Variants in RNF169 observed in about 807,000 individuals in gnomAD.
RNF169 encodes E3 ubiquitin-protein ligase RNF169.
A neutral mutation model predicts 53.9 loss-of-function variants in RNF169; 24 were observed. That is an observed-to-expected ratio of 0.45 (90% confidence interval 0.32 to 0.63). The LOEUF (loss-of-function observed/expected upper bound fraction) is 0.63. Among genes scored for constraint, RNF169 ranks in the 20% least tolerant of loss-of-function variants. The pLI is 0.04. For missense variants in RNF169, 883 were observed against 906.2 expected, an observed-to-expected ratio of 0.97 and a Z score of 0.33; for synonymous variants, 396 against 363.5, an observed-to-expected ratio of 1.09 and a Z score of -1.02.
intron 4 of RNF169, among the ~76,000 whole-genome samples, chr11:74,832,936 C>T (rs1374817200): frequency 6.6e-6 from 1 of 152,140 alleles, no homozygotes; most frequent in Non-Finnish European, 1.5e-5. Flanking sequence ...CTGACTTTTA[C>T]ACAGCTGCTT....
chr11:74,752,986 TGAGACA>T (rs2034923803), intron 1 of RNF169, among the ~76,000 whole-genome samples: 1 of 152,218 alleles, frequency 6.6e-6, no homozygotes, highest in Non-Finnish European at 1.5e-5. Context: ...ATTTATTTTT[TGAGACA>T]GAGTCTTGCT....
At chr11:74,750,005 A>G (rs1024007373) in intron 1 of RNF169, among the ~76,000 whole-genome samples, 2 of 152,222 alleles carry the variant, frequency 1.3e-5, no homozygotes, top group Admixed American at 1.3e-4. Flanking sequence ...TACTAAGTCC[A>G]GTAGTGCCTG....
chr11:74,795,663 C>T (rs2035638110), intron 2 of RNF169, among the ~76,000 whole-genome samples: 1 of 152,124 alleles, frequency 6.6e-6, no homozygotes, highest in Non-Finnish European at 1.5e-5. Context: ...GAGTTTGAGA[C>T]CAGCCTGAGC....
chr11:74,751,596 T>G (rs1358994441), intron 1 of RNF169, among the ~76,000 whole-genome samples: 1 of 152,252 alleles, frequency 6.6e-6, no homozygotes, highest in Non-Finnish European at 1.5e-5. Flanking sequence ...TCATAAAATT[T>G]ATCAGTGATT....
chr11:74,762,289 C>G (rs965664515), intron 1 of RNF169, among the ~76,000 whole-genome samples: 39 of 151,284 alleles, frequency 2.6e-4, no homozygotes, highest in African/African-American at 8.0e-4. Flanking sequence ...CGTCTGAAGC[C>G]TTCTTCTCTC....
intron 1 of RNF169, among the ~76,000 whole-genome samples, chr11:74,784,178 T>G (rs1416603156): frequency 6.6e-6 from 1 of 152,190 alleles, no homozygotes; most frequent in Non-Finnish European, 1.5e-5. Flanking sequence ...ATTTAAAAAA[T>G]TTAGAGAAAC....
intron 1 of RNF169, among the ~76,000 whole-genome samples, chr11:74,765,259 A>G (rs2035154477): frequency 6.6e-6 from 1 of 152,216 alleles, no homozygotes; most frequent in Non-Finnish European, 1.5e-5. Context: ...CTTGATCTCT[A>G]CACATATGTA....
Position 74,817,722 on chromosome 11 carries a change from ACTGATG to A in RNF169, c.842+13_842+18del. On this transcript the variant is annotated intron_variant, in intron 4 of 5. Transcript: ENST00000299563. ...CTTAGCTTTCCTGGCAGGGTAAGAG[ACTGATG>A]CTGAATTCAGTCAGGGGTCTTTGGT... 2 of 1,549,646 alleles carry A rather than the reference ACTGATG, an allele frequency of 1.3e-6. No homozygotes were observed. The highest frequency in any genetic ancestry group is 1.1e-5 in the South Asian group (1 of 89,838).
chr11:74,765,096 C>T lies in RNF169; in HGVS notation c.502+15714C>T, dbSNP rs139116965. ...TGGTGGTGTGCGCCTGTGGTCCCAG[C>T]AATACAGGAGGCTGAGGCAGGAGGA... On this transcript the variant is annotated intron_variant, in intron 1 of 5. Coordinates refer to ENST00000299563, the MANE Select transcript of RNF169 (RefSeq NM_001098638.2). Among the ~76,000 whole-genome samples, 547 of 152,182 alleles carry T rather than the reference C, an allele frequency of 3.6e-3. 3 individuals carry two copies. The highest frequency in any genetic ancestry group is 0.013 in the African/African-American group (537 of 41,526).
chr11:74,779,714 G>C (rs2035388749), intron 1 of RNF169, among the ~76,000 whole-genome samples: 1 of 152,056 alleles, frequency 6.6e-6, no homozygotes, highest in African/African-American at 2.4e-5. Context: ...GAATACATTT[G>C]TGGTTCACTC....
chr11:74,791,553 G>T (rs1487338755), intron 2 of RNF169, among the ~76,000 whole-genome samples: 2 of 152,244 alleles, frequency 1.3e-5, no homozygotes, highest in African/African-American at 2.4e-5. Context: ...TCTGGAGGGG[G>T]CCGAGGTGGC....
At chr11:74,789,757 G>T in intron 2 of RNF169, 58 bp downstream of exon 2, 4 of 1,164,360 alleles carry the variant, frequency 3.4e-6, no homozygotes, top group Non-Finnish European at 5.1e-6. Context: ...TGACATTAAA[G>T]AATGCTTAGT....
Position 74,836,229 on chromosome 11 carries a change from T to C in RNF169, c.1626T>C (p.Ser542=). ...TCAAAGGGGGAGGCAGTGGGACTTC[T>C]TTGGAGAGGGAGCAGTTTGAGGGGT... ...SELKGGGSGT[S]LEREQFEGLG... The change falls in exon 6 of 6, where the codon TCT becomes TCC. Residue 542 remains serine (S), a synonymous_variant. Coordinates refer to ENST00000299563, the MANE Select transcript of RNF169 (RefSeq NM_001098638.2). 6.2e-7 allele frequency: 1 copy of C among 1,614,156 alleles called. No individual in the cohort carries two copies. Among genetic ancestry groups the C allele is most frequent in the Non-Finnish European group, 8.5e-7 (1 of 1,180,018 alleles).
chr11:74,830,424 GAA>G (rs1232704394), intron 4 of RNF169: 1 of 152,028 alleles, frequency 6.6e-6, no homozygotes, highest in Non-Finnish European at 1.5e-5. Context: ...TAATTTAGAT[GAA>G]ATGTACCAGT....
chr11:74,753,130 G>A (rs776677749), intron 1 of RNF169, among the ~76,000 whole-genome samples: 4 of 151,964 alleles, frequency 2.6e-5, no homozygotes, highest in Non-Finnish European at 5.9e-5. Flanking sequence ...CACCACGCCC[G>A]GCTAATTTTG....
Position 74,839,437 on chromosome 11 carries a change from A to G in RNF169, c.*2707A>G, listed in dbSNP as rs1230286806. On this transcript the variant is annotated 3_prime_UTR_variant, in exon 6 of 6. Transcript: ENST00000299563. ...TGATTCTGAAGTTGGTTAAAAGTCG[A>G]TATGTTGATGTGTATTATTTGGGGG... 2 of 152,190 alleles carry G rather than the reference A, an allele frequency of 1.3e-5. No homozygotes were observed. The highest frequency in any genetic ancestry group is 1.9e-4 in the East Asian group (1 of 5,208). 9.4% of individuals were successfully genotyped at this position (152,190 alleles called of 1,614,324 possible).
At chr11:74,793,070 TACATGCTACC>T (rs1227994217) in intron 2 of RNF169, among the ~76,000 whole-genome samples, 1 of 152,224 alleles carries the variant, frequency 6.6e-6, no homozygotes, top group Non-Finnish European at 1.5e-5. Flanking sequence ...GAACCACTGA[TACATGCTACC>T]ACATGGGTGA....
At chr11:74,795,563 G>A (rs2035636480) in intron 2 of RNF169, among the ~76,000 whole-genome samples, 1 of 152,232 alleles carries the variant, frequency 6.6e-6, no homozygotes. Context: ...AGAAGTGAAA[G>A]TGGGAAATGG....
chr11:74,835,567 T>A lies in RNF169; in HGVS notation c.964T>A (p.Ser322Thr). 6.2e-7 allele frequency: 1 copy of A among 1,613,998 alleles called. No individual in the cohort carries two copies. The highest frequency in any genetic ancestry group is 8.5e-7 in the Non-Finnish European group (1 of 1,179,906). Residue 322 changes from serine to threonine, a missense_variant, in exon 6 of 6, where the codon TCC becomes ACC. Physicochemically the swap from Ser to Thr is moderately conservative, Grantham distance 58. Coordinates refer to ENST00000299563, the MANE Select transcript of RNF169 (RefSeq NM_001098638.2). ...KAKVTTMTPA[S>T]NPIIGVLLST... Reference sequence around the variant, plus strand: ...TCAGGTCACAACTATGACTCCAGCCTCCAACCCCATCATTGGTGTCCTCTT... The same window carrying A: ...TCAGGTCACAACTATGACTCCAGCCACCAACCCCATCATTGGTGTCCTCTT...
Sources: gnomAD v4.1 joint callset for allele counts (sites outside exome capture counted in the v4.1 genomes callset) on GRCh38, gnomAD v4.1.1 for gene constraint, MANE v1.5 for transcripts, NCBI Gene and HGNC (gene_info 2026-07-23, HGNC 2026-07-21) for gene names.